Variants in IGSF8 observed in about 807,000 individuals in gnomAD.
The protein encoded by IGSF8 is immunoglobulin superfamily member 8, also known as CD81 partner 3.
A neutral mutation model predicts 55.5 loss-of-function variants in IGSF8; 46 were observed. The ratio of observed to expected loss-of-function variants is 0.83; its 90% CI spans 0.65 to 1.06. IGSF8 has a LOEUF of 1.06. Ranked by LOEUF, IGSF8 falls within the 50% of genes least tolerant of loss-of-function variation. IGSF8 has a pLI of 0.00. For synonymous variants in IGSF8, 314 were observed against 356.1 expected (o/e 0.88, Z 1.33); for missense variants, 731 against 832.3 (o/e 0.88, Z 1.50).
rs1206418526 is a variant in IGSF8 at position 160,098,507 on chromosome 1, T to A, written c.-35A>T. 2 of 1,292,682 alleles carry A rather than the reference T, an allele frequency of 1.5e-6. No individual in the cohort carries two copies. Among genetic ancestry groups the A allele is most frequent in the Non-Finnish European group, 1.0e-6 (1 of 1,001,278 alleles). 80.1% of individuals were successfully genotyped at this position (1,292,682 alleles called of 1,614,324 possible). On this transcript the variant is annotated 5_prime_UTR_variant, in exon 1 of 7. Transcript: ENST00000314485. ...CCAGCTCTGGGGAGGCTCCGGGGGA[T>A]GGCGCGGGTTCTGGGGGGCCGGAAG... is the stretch of plus-strand genomic sequence containing the variant.
rs559914848 is a variant in IGSF8, at chr1:160,093,264, C to T, written c.972G>A (p.Leu324=). 1.2e-6 allele frequency: 2 copies of T among 1,613,580 alleles called. No homozygotes were observed. Among genetic ancestry groups the T allele is most frequent in the Middle Eastern group, 1.7e-4 (1 of 6,058 alleles). The part of the protein sequence containing the change: ...RRIGPGEPLE[L]LCNVSGALPP... The stretch of plus-strand genomic sequence containing the variant: ...GAAGTGCCCCTGACACATTGCACAG[C>T]AGTTCCAAGGGCTCCCCTGGGCCGA... Residue 324 remains leucine (L), a synonymous_variant, in exon 4 of 7, where the codon CTG becomes CTA. Coordinates refer to ENST00000314485, the MANE Select transcript of IGSF8 (RefSeq NM_052868.6).
chr1:160,093,639 C>G, intron 3 of IGSF8, 71 bp downstream of exon 3: 2 of 1,257,638 alleles, frequency 1.6e-6, no homozygotes, highest in Non-Finnish European at 2.2e-6. Context: ...CTGGTACCCC[C>G]TGTGGCCACA....
At chr1:160,092,199 A>T in intron 5 of IGSF8, 83 bp downstream of exon 5, 1 of 1,371,864 alleles carries the variant, frequency 7.3e-7, no homozygotes, top group Non-Finnish European at 1.0e-6. Context: ...TAGTAGCAGG[A>T]GGGTCAGAAG....
Position 160,094,209 on chromosome 1 carries a change from T to C in IGSF8, c.443-38A>G. On this transcript the variant is annotated intron_variant, in intron 2 of 6. Coordinates refer to ENST00000314485, the MANE Select transcript of IGSF8 (RefSeq NM_052868.6). The surrounding 1 kb of genome is among the most constrained non-coding windows in gnomAD (Gnocchi z 4.0). ...GCTGGAGTGAGGGAGGGCTGGGAGCTGGCAGCCCTTGTTACTGTTTCCTGT... is the reference window on the plus strand; with the variant it reads ...GCTGGAGTGAGGGAGGGCTGGGAGCCGGCAGCCCTTGTTACTGTTTCCTGT... The C allele has an allele frequency of 7.3e-7, 1 of 1,365,648 alleles. No individual in the cohort carries two copies. The highest frequency in any genetic ancestry group is 1.0e-6 in the Non-Finnish European group (1 of 995,312). 84.6% of individuals were successfully genotyped at this position (1,365,648 alleles called of 1,614,324 possible). A position where few individuals can be genotyped will look rare whatever the true frequency, so the allele number is the denominator to read the frequency against.
At position 160,093,756 on chromosome 1, in the gene IGSF8, A is replaced by C. The variant is rs745748955; in HGVS notation, c.858T>G (p.Ile286Met). 3 of 1,613,382 alleles carry C rather than the reference A, an allele frequency of 1.9e-6. No homozygotes were observed. The highest frequency in any genetic ancestry group is 2.7e-5 in the African/African-American group (2 of 74,906). Residue 286 changes from isoleucine (I) to methionine (M), a missense_variant, in exon 3 of 7, where the codon ATT becomes ATG. By Grantham distance (10) the Ile-to-Met change is conservative. Transcript: ENST00000314485. ...IQDPDGSWAQ[I>M]AEKRAVLAHV... Reference sequence around the variant, plus strand: ...GGGCCAGGACGGCCCTTTTCTCTGCAATCTGGGCCCAGCTGCCATCAGGAT... The same window carrying C: ...GGGCCAGGACGGCCCTTTTCTCTGCCATCTGGGCCCAGCTGCCATCAGGAT...
chr1:160,093,448 C>T (rs1650162858), intron 3 of IGSF8, 117 bp from the exon 4 acceptor site: 2 of 1,007,268 alleles, frequency 2.0e-6, no homozygotes, highest in Non-Finnish European at 2.9e-6. Flanking sequence ...TCCTGTCTCC[C>T]CCTCACTAGG....
upstream of IGSF8, among the ~76,000 whole-genome samples, chr1:160,099,165 GCGCATCGAAATTCCCACCC>G (rs1402086177): frequency 6.6e-6 from 1 of 151,716 alleles, no homozygotes; most frequent in Non-Finnish European, 1.5e-5. Flanking sequence ...CTGCACCTCT[GCGCATCGAAATTCCCACCC>G]ACCCTCGCAC....
chr1:160,095,283 T>C (rs762106930), intron 1 of IGSF8, 37 bp from the exon 2 acceptor site: 2 of 1,567,280 alleles, frequency 1.3e-6, no homozygotes, highest in South Asian at 1.1e-5. Context: ...AGATGCCTGG[T>C]TCCTCATTCC....
chr1:160,095,977 G>A (rs550000251), intron 1 of IGSF8, among the ~76,000 whole-genome samples: 8 of 152,318 alleles, frequency 5.3e-5, no homozygotes, highest in Non-Finnish European at 1.2e-4. Flanking sequence ...AGATACAGAA[G>A]GTGCCTGCCC....
At chr1:160,092,261 G>T in intron 5 of IGSF8, 21 bp downstream of exon 5, 1 of 1,611,446 alleles carries the variant, frequency 6.2e-7, no homozygotes, top group Non-Finnish European at 8.5e-7. Context: ...GAGTGAGGAG[G>T]GTGGAGGGGG....
In IGSF8 at chr1:160,092,229, G is replaced by A. The variant is rs571454169; in HGVS notation, c.1726+53C>T. The A allele has an allele frequency of 1.1e-4, 171 of 1,556,706 alleles. 2 individuals carry two copies. In the South Asian group the frequency reaches 1.8e-3, roughly 16 times the overall value. Reference sequence around the variant, plus strand: ...CAGAAGATGGGAAGGGAAGGCCAGTGGCAGAGGCCAGGAGGAAGGCAGAGT... The same window carrying A: ...CAGAAGATGGGAAGGGAAGGCCAGTAGCAGAGGCCAGGAGGAAGGCAGAGT... On this transcript the variant is annotated intron_variant, in intron 5 of 6. Coordinates refer to ENST00000314485, the MANE Select transcript of IGSF8 (RefSeq NM_052868.6).
Position 160,095,104 on chromosome 1 carries a change from G to C in IGSF8, c.207C>G (p.Pro69=). ...TGCCCAGTGCAGTATCTGGGGCCTCGGGCCTATACAGGAACCACTCGAAGT... is the reference window on the plus strand; with the variant it reads ...TGCCCAGTGCAGTATCTGGGGCCTCCGGCCTATACAGGAACCACTCGAAGT... ...QQNFEWFLYR[P]EAPDTALGIV... The change falls in exon 2 of 7, where the codon CCC becomes CCG. Residue 69 remains proline (P), a synonymous_variant. Coordinates refer to ENST00000314485, the MANE Select transcript of IGSF8 (RefSeq NM_052868.6). The C allele has an allele frequency of 6.2e-7, 1 of 1,614,090 alleles. No homozygotes were observed. Among genetic ancestry groups the C allele is most frequent in the South Asian group, 1.1e-5 (1 of 91,082 alleles).
chr1:160,092,872 G>A, intron 4 of IGSF8, 52 bp downstream of exon 4: 1 of 1,547,504 alleles, frequency 6.5e-7, no homozygotes, highest in South Asian at 1.2e-5. Flanking sequence ...GAAACAGAAG[G>A]AAAAGGGGTT....
intron 5 of IGSF8, 93 bp from the exon 6 acceptor site, chr1:160,092,031 C>A: frequency 1.1e-6 from 1 of 931,116 alleles, no homozygotes; most frequent in South Asian, 1.4e-5. Context: ...TCTCTGAACC[C>A]ACCTTCTCCA....
chr1:160,094,123 C>T lies in IGSF8; in HGVS notation c.491G>A (p.Gly164Asp). 6.2e-7 allele frequency: 1 copy of T among 1,607,726 alleles called. No homozygotes were observed. Among genetic ancestry groups the T allele is most frequent in the Non-Finnish European group, 8.5e-7 (1 of 1,179,810 alleles). Residue 164 changes from glycine (G) to aspartate (D), a missense_variant, in exon 3 of 7, where the codon GGC (glycine) becomes GAC (aspartate). Physicochemically the swap from Gly to Asp is moderately conservative, Grantham distance 94 (BLOSUM62 -1). Coordinates refer to ENST00000314485, the MANE Select transcript of IGSF8 (RefSeq NM_052868.6). The surrounding 1 kb of genome is among the most constrained non-coding windows in gnomAD (Gnocchi z 4.0). ...TGGGGGTGAGGTTGGGGCCTGGCGG[C>T]CTCGGGGCCCTGGGGGGGCAGCAGA... The part of the protein sequence containing the change: ...QVSAAPPGPR[G>D]RQAPTSPPRM...
intron 5 of IGSF8, among the ~76,000 whole-genome samples, 170 bp downstream of exon 5, chr1:160,092,112 C>A (rs1465678882): frequency 6.6e-6 from 1 of 152,188 alleles, no homozygotes; most frequent in Non-Finnish European, 1.5e-5. Flanking sequence ...CCACAGAGGA[C>A]CCCGTGCAGG....
At chr1:160,093,487 A>C (rs192803240) in intron 3 of IGSF8, among the ~76,000 whole-genome samples, 156 bp from the exon 4 acceptor site, 73 of 152,230 alleles carry the variant, frequency 4.8e-4, no homozygotes, top group African/African-American at 1.7e-3. Flanking sequence ...TAGGGGCTTG[A>C]ATCTCACCCC....
chr1:160,096,529 A>G (rs2101966280), intron 1 of IGSF8, among the ~76,000 whole-genome samples: 1 of 152,028 alleles, frequency 6.6e-6, no homozygotes, highest in African/African-American at 2.4e-5. Context: ...CTGTGGTCAA[A>G]CTCTACCCTC....
intron 5 of IGSF8, 141 bp from the exon 6 acceptor site, chr1:160,092,079 C>CA: frequency 1.2e-6 from 1 of 811,164 alleles, no homozygotes; most frequent in Non-Finnish European, 2.0e-6. Flanking sequence ...AGCCTGCCCC[C>CA]TCAGCATGCA....
Sources: allele counts gnomAD v4.1 joint callset (sites outside exome capture counted in the v4.1 genomes callset), GRCh38; gene constraint gnomAD v4.1.1; non-coding constraint Gnocchi (gnomAD v3.1); transcripts MANE v1.5; gene names NCBI Gene and HGNC (gene_info 2026-07-23, HGNC 2026-07-21).